The following ADGRG3 variants were observed in gnomAD, a reference collection of about 807,000 sequenced individuals.
The protein encoded by ADGRG3 is adhesion G protein-coupled receptor G3, also known as G protein-coupled receptor 97.
ADGRG3 carries 39 observed loss-of-function variants against 54.3 expected under a neutral mutation model. The ratio of observed to expected loss-of-function variants is 0.72; its 90% CI spans 0.56 to 0.94. The LOEUF (loss-of-function observed/expected upper bound fraction) is 0.94, where lower values mean the gene tolerates loss of function less well. ADGRG3 is among the 40% of genes least tolerant of loss of function. ADGRG3 has a pLI of 0.00. For synonymous variants in ADGRG3, 312 were observed against 290.0 expected (o/e 1.08, Z -0.77); for missense variants, 654 against 694.6 (o/e 0.94, Z 0.66).
upstream of ADGRG3, chr16:57,668,176 A>G (rs561953050): frequency 4.9e-6 from 3 of 613,870 alleles, no homozygotes; most frequent in East Asian, 8.3e-5. Context: ...AGTTCCCCAC[A>G]CTCACCTTTC....
chr16:57,672,840 C>A (rs1029937224), intron 1 of ADGRG3, among the ~76,000 whole-genome samples: 2 of 152,132 alleles, frequency 1.3e-5, no homozygotes, highest in Admixed American at 6.6e-5. Context: ...TGTGAGCCAC[C>A]ACGCCCTGCC....
At chr16:57,670,533 C>G (rs758606399) in intron 1 of ADGRG3, among the ~76,000 whole-genome samples, 4 of 152,044 alleles carry the variant, frequency 2.6e-5, no homozygotes, top group Admixed American at 6.6e-5. Flanking sequence ...CCCCTCTCCT[C>G]TCTTCCCTCT....
chr16:57,685,761 A>G lies in ADGRG3; in HGVS notation c.1375A>G (p.Thr459Ala). Reference protein sequence around the residue: ...VLALVVWKIFTLSRATAVKER... With the variant: ...VLALVVWKIFALSRATAVKER... ...GGCCCTGGTGGTCTGGAAGATCTTC[A>G]CCCTGTCCCGTGCTACAGCGGTCAA... is the stretch of plus-strand genomic sequence containing the variant. The change falls in exon 11 of 12, where the codon ACC becomes GCC. Residue 459 changes from threonine (T) to alanine (A), a missense_variant. Transcript: ENST00000333493. 2 of 1,614,020 alleles carry G rather than the reference A, an allele frequency of 1.2e-6. No homozygotes were observed. Among genetic ancestry groups the G allele is most frequent in the African/African-American group, 1.3e-5 (1 of 74,958 alleles).
intron 8 of ADGRG3, chr16:57,682,415 C>T (rs1277326858): frequency 2.2e-6 from 2 of 899,230 alleles, no homozygotes; most frequent in East Asian, 2.4e-4. Flanking sequence ...GCAGCCCCAA[C>T]TAGGCCCACC....
intron 1 of ADGRG3, among the ~76,000 whole-genome samples, chr16:57,672,072 TG>T (rs1387433859): frequency 5.9e-5 from 9 of 152,110 alleles, no homozygotes; most frequent in African/African-American, 2.2e-4. Context: ...CCCAGCTACT[TG>T]GGAGGCTGAG....
Position 57,678,790 on chromosome 16 carries a change from C to A in ADGRG3, c.493-387C>A, listed in dbSNP as rs1416678849. On this transcript the variant is annotated intron_variant, in intron 4 of 11. Coordinates refer to ENST00000333493, the MANE Select transcript of ADGRG3 (RefSeq NM_170776.5). ...TGTACCCCTGAGGGCTAGTGTGCTC[C>A]CCCCACCAGCCTCCTTTCTACCGAA... 15 of 328,282 alleles carry A rather than the reference C, an allele frequency of 4.6e-5. No individual in the cohort carries two copies. The Admixed American group carries it at 6.7e-4, about 15-fold the overall frequency. 20.3% of individuals were successfully genotyped at this position (328,282 alleles called of 1,614,324 possible).
Position 57,685,725 on chromosome 16 carries a change from A to T in ADGRG3, c.1339A>T (p.Met447Leu). The T allele has an allele frequency of 9.3e-6, 15 of 1,614,108 alleles. No homozygotes were observed. Among genetic ancestry groups the T allele is most frequent in the Non-Finnish European group, 1.3e-5 (15 of 1,180,006 alleles). Residue 447 changes from methionine (M) to leucine (L), a missense_variant, in exon 11 of 12, where the codon ATG becomes TTG. Transcript: ENST00000333493. Reference sequence around the variant, plus strand: ...CTTCCTCATCACCTTCCTCTTTGGCATGGTGGTCCTGGCCCTGGTGGTCTG... The same window carrying T: ...CTTCCTCATCACCTTCCTCTTTGGCTTGGTGGTCCTGGCCCTGGTGGTCTG... ...GYFLITFLFGMVVLALVVWKI... is the reference protein window; with the variant it reads ...GYFLITFLFGLVVLALVVWKI...
intron 2 of ADGRG3, among the ~76,000 whole-genome samples, chr16:57,674,995 C>CAAA (rs34536208): frequency 0.1 from 4,860 of 48,574 alleles, 517 homozygotes; most frequent in Middle Eastern, 0.15. Context: ...GACTCCATCT[C>CAAA]AAAAAAAAAA....
intron 11 of ADGRG3, 96 bp from the exon 12 acceptor site, chr16:57,688,256 C>A: frequency 1.3e-6 from 1 of 792,244 alleles, no homozygotes; most frequent in Non-Finnish European, 2.3e-6. Flanking sequence ...TGAGTGGTTA[C>A]GGTGGGTCTC....
At chr16:57,673,019 G>A (rs1447354933) in intron 1 of ADGRG3, among the ~76,000 whole-genome samples, 1 of 152,214 alleles carries the variant, frequency 6.6e-6, no homozygotes, top group Non-Finnish European at 1.5e-5. Context: ...CTGGAGGAAG[G>A]GGTAAAGGAG....
chr16:57,680,621 A>C lies in ADGRG3; in HGVS notation c.881+4A>C, dbSNP rs1180884174. On this transcript the variant is annotated splice_donor_region_variant and intron_variant, in intron 8 of 11. Coordinates refer to ENST00000333493, the MANE Select transcript of ADGRG3 (RefSeq NM_170776.5). ...TTATTCTTTATGCCTTTCTGAGGTG[A>C]GTGATCCCCACCTCCCCACCATGTC... 1 of 1,572,072 alleles carries C rather than the reference A, an allele frequency of 6.4e-7. No individual in the cohort carries two copies. Among genetic ancestry groups the C allele is most frequent in the Non-Finnish European group, 8.8e-7 (1 of 1,141,956 alleles).
chr16:57,679,118 G>A (rs80122575), intron 4 of ADGRG3, 59 bp from the exon 5 acceptor site: 78 of 1,600,282 alleles, frequency 4.9e-5, no homozygotes, highest in Middle Eastern at 1.7e-4. Flanking sequence ...GAACCCCAGC[G>A]TTGGTGGGTT....
intron 2 of ADGRG3, among the ~76,000 whole-genome samples, chr16:57,675,262 T>C (rs1458143965): frequency 6.6e-6 from 1 of 151,412 alleles, no homozygotes; most frequent in East Asian, 1.9e-4. Context: ...GAAGATCACT[T>C]GAGGCCAGGA....
At chr16:57,681,369 TGTGTGTGC>T (rs1489766719) in intron 8 of ADGRG3, among the ~76,000 whole-genome samples, 3 of 117,180 alleles carry the variant, frequency 2.6e-5, no homozygotes, top group African/African-American at 9.2e-5. Context: ...TGTGTGTGTG[TGTGTGTGC>T]GCGCGTGCGT....
upstream of ADGRG3, among the ~76,000 whole-genome samples, chr16:57,667,220 G>A (rs1215895046): frequency 6.6e-6 from 1 of 152,264 alleles, no homozygotes; most frequent in Non-Finnish European, 1.5e-5. Context: ...GAGGCCAGCA[G>A]GGGCTGAGCG....
chr16:57,672,445 C>T (rs1322909081), intron 1 of ADGRG3, among the ~76,000 whole-genome samples: 1 of 152,190 alleles, frequency 6.6e-6, no homozygotes, highest in Non-Finnish European at 1.5e-5. Flanking sequence ...TTCCAGAAGG[C>T]TGTGCAATAA....
At position 57,679,274 on chromosome 16, in the gene ADGRG3, C is replaced by G. The variant is rs145019586; in HGVS notation, c.590C>G (p.Pro197Arg). ...ATGCATGTCACCAAGCTGGCTGAGC[C>G]TCTGGAGATCGTCTTCTCTCACCAG... ...GQMHVTKLAE[P>R]LEIVFSHQRP... The change falls in exon 5 of 12, where the codon CCT (proline) becomes CGT (arginine). Residue 197 changes from proline to arginine, a missense_variant. Coordinates refer to ENST00000333493, the MANE Select transcript of ADGRG3 (RefSeq NM_170776.5). The G allele has an allele frequency of 1.2e-6, 2 of 1,614,020 alleles. No individual in the cohort carries two copies. Among genetic ancestry groups the G allele is most frequent in the Non-Finnish European group, 1.7e-6 (2 of 1,179,950 alleles).
Position 57,680,486 on chromosome 16 carries a change from G to A in ADGRG3, c.769-19G>A, listed in dbSNP as rs753514318. The A allele has an allele frequency of 1.2e-6, 2 of 1,600,960 alleles. No homozygotes were observed. Among genetic ancestry groups the A allele is most frequent in the Non-Finnish European group, 1.7e-6 (2 of 1,168,066 alleles). The stretch of plus-strand genomic sequence containing the variant: ...CTGGCCTCCAACTGACGTGGTCCCG[G>A]TTCTGGGGTCACCCACAGAGACCCA... On this transcript the variant is annotated intron_variant, in intron 7 of 11. Coordinates refer to ENST00000333493, the MANE Select transcript of ADGRG3 (RefSeq NM_170776.5).
chr16:57,682,497 A>G, intron 8 of ADGRG3: 6 of 985,350 alleles, frequency 6.1e-6, no homozygotes, highest in Non-Finnish European at 7.2e-6. Flanking sequence ...CTGGCCTAGG[A>G]CATGGTCCCC....
Sources: gnomAD v4.1 joint callset for allele counts (sites outside exome capture counted in the v4.1 genomes callset) on GRCh38, gnomAD v4.1.1 for gene constraint, MANE v1.5 for transcripts, NCBI Gene and HGNC (gene_info 2026-07-23, HGNC 2026-07-21) for gene names.